The following ENPEP variants were observed in gnomAD, a reference collection of about 807,000 sequenced individuals.
ENPEP encodes glutamyl aminopeptidase.
A neutral mutation model predicts 114.5 loss-of-function variants in ENPEP; 103 were observed. That is an observed-to-expected ratio of 0.90 (90% CI 0.77 to 1.06). The LOEUF (loss-of-function observed/expected upper bound fraction) is 1.06, where lower values mean the gene tolerates loss of function less well. ENPEP is among the 50% of genes least tolerant of loss of function. The pLI, the probability that ENPEP is intolerant of heterozygous loss-of-function variation, is 0.00. For synonymous variants in ENPEP, 420 were observed against 422.0 expected, an observed-to-expected ratio of 1.00 and a Z score of 0.06; for missense variants, 1,196 against 1,161.3, an observed-to-expected ratio of 1.03 and a Z score of -0.43.
chr4:110,506,940 C>T (rs1725395311), intron 4 of ENPEP, among the ~76,000 whole-genome samples, 183 bp downstream of exon 4: 2 of 152,158 alleles, frequency 1.3e-5, no homozygotes, highest in Admixed American at 6.5e-5. Flanking sequence ...GCTAGGATTA[C>T]AGGCCTAATC....
chr4:110,541,052 C>T (rs779812843), intron 11 of ENPEP, among the ~76,000 whole-genome samples: 29 of 152,074 alleles, frequency 1.9e-4, no homozygotes, highest in Non-Finnish European at 3.4e-4. Flanking sequence ...GCAAGAAACT[C>T]TCCTTCTGAT....
chr4:110,559,360 G>A (rs1727602846), intron 18 of ENPEP, among the ~76,000 whole-genome samples: 1 of 151,706 alleles, frequency 6.6e-6, no homozygotes, highest in Non-Finnish European at 1.5e-5. Context: ...TCTCTAGCAG[G>A]GCGCTCATGT....
intron 10 of ENPEP, among the ~76,000 whole-genome samples, chr4:110,521,769 A>T (rs990907933): frequency 2.0e-5 from 3 of 152,190 alleles, no homozygotes; most frequent in Non-Finnish European, 4.4e-5. Flanking sequence ...CTAAAAATAA[A>T]TTTGGCAAAT....
intron 1 of ENPEP, among the ~76,000 whole-genome samples, chr4:110,483,768 A>G (rs917153956): frequency 7.2e-5 from 11 of 152,348 alleles, no homozygotes; most frequent in Admixed American, 2.6e-4. Context: ...ATATTGTGCT[A>G]TTAGTCAGCC....
intron 14 of ENPEP, among the ~76,000 whole-genome samples, 162 bp from the exon 15 acceptor site, chr4:110,549,184 C>T (rs1337199543): frequency 6.6e-6 from 1 of 151,878 alleles, no homozygotes; most frequent in Admixed American, 6.6e-5. Flanking sequence ...AAAAAAATTG[C>T]AATGTGATAA....
chr4:110,478,829 T>C (rs1166005506), intron 1 of ENPEP, among the ~76,000 whole-genome samples: 1 of 152,374 alleles, frequency 6.6e-6, no homozygotes, highest in East Asian at 1.9e-4. Flanking sequence ...ATTTGAGTTG[T>C]TTCTAGTATT....
Position 110,508,818 on chromosome 4 carries a change from A to G in ENPEP, c.1040-835A>G, listed in dbSNP as rs571630064. 5.3e-5 allele frequency among the ~76,000 whole-genome samples: 8 copies of G among 152,364 alleles called. No individual in the cohort carries two copies. The South Asian group carries it at 1.5e-3, about 28-fold the overall frequency. On this transcript the variant is annotated intron_variant, in intron 4 of 19. Transcript: ENST00000265162. ...AGAGCGAGACTCTGTCTCAAAAAAA[A>G]AGAAAGAATATTTATTTTAACCAGA...
chr4:110,509,942 A>T, intron 5 of ENPEP, 135 bp downstream of exon 5: 1 of 1,228,770 alleles, frequency 8.1e-7, no homozygotes, highest in Non-Finnish European at 1.1e-6. Context: ...CTTTCTTGGT[A>T]CTAATAAACA....
At chr4:110,540,292 G>A (rs922911708) in intron 11 of ENPEP, among the ~76,000 whole-genome samples, 1 of 151,932 alleles carries the variant, frequency 6.6e-6, no homozygotes, top group African/African-American at 2.4e-5. Context: ...GCATATAGAA[G>A]ATACACACAC....
intron 3 of ENPEP, among the ~76,000 whole-genome samples, chr4:110,500,903 G>A (rs1200134202): frequency 6.6e-6 from 1 of 152,156 alleles, no homozygotes; most frequent in Non-Finnish European, 1.5e-5. Flanking sequence ...AGAAGGAGAT[G>A]CAGATGGAGC....
In ENPEP at chr4:110,563,347, T is replaced by C. The variant is rs1313649566; in HGVS notation, c.*1789T>C. 1 of 152,180 alleles carries C rather than the reference T, an allele frequency of 6.6e-6. No homozygotes were observed. The highest frequency in any genetic ancestry group is 6.5e-5 in the Admixed American group (1 of 15,268). 9.4% of individuals were successfully genotyped at this position (152,180 alleles called of 1,614,324 possible). A position where few individuals can be genotyped will look rare whatever the true frequency, so the allele number is the denominator to read the frequency against. Reference sequence around the variant, plus strand: ...TTCAACTTGCCTACAAGACATTCTATTTCATGCCTTTTCCTTTTGTTGTTC... The same window carrying C: ...TTCAACTTGCCTACAAGACATTCTACTTCATGCCTTTTCCTTTTGTTGTTC... On this transcript the variant is annotated 3_prime_UTR_variant, in exon 20 of 20. Transcript: ENST00000265162.
intron 8 of ENPEP, chr4:110,515,844 C>G (rs187079928): frequency 1.1e-5 from 5 of 455,804 alleles, no homozygotes; most frequent in Non-Finnish European, 2.2e-5. Context: ...GCCTCTCTTC[C>G]GGGCTTGCAG....
intron 8 of ENPEP, among the ~76,000 whole-genome samples, chr4:110,518,818 A>C (rs1463887988): frequency 6.6e-6 from 1 of 152,184 alleles, no homozygotes; most frequent in Non-Finnish European, 1.5e-5. Flanking sequence ...CCACGATTGC[A>C]TGGTTCTAAG....
Position 110,542,828 on chromosome 4 carries a change from G to C in ENPEP, c.1885G>C (p.Val629Leu). 1 of 1,613,216 alleles carries C rather than the reference G, an allele frequency of 6.2e-7. No homozygotes were observed. The highest frequency in any genetic ancestry group is 8.5e-7 in the Non-Finnish European group (1 of 1,179,432). Residue 629 changes from valine (V) to leucine (L), a missense_variant, in exon 12 of 20, where the codon GTA (valine) becomes CTA (leucine). Val to Leu is a conservative substitution (Grantham distance 32). Coordinates refer to ENST00000265162, the MANE Select transcript of ENPEP (RefSeq NM_001977.4). ...CCCAGATCATATTGGGTTTTATCGT[G>C]TAAATTATGAAGTAGCAACTTGGGA... Reference protein sequence around the residue: ...INPDHIGFYRVNYEVATWDSI... With the variant: ...INPDHIGFYRLNYEVATWDSI...
chr4:110,558,223 C>A (rs907003837), intron 18 of ENPEP, among the ~76,000 whole-genome samples: 10 of 145,510 alleles, frequency 6.9e-5, no homozygotes, highest in Non-Finnish European at 1.3e-4. Flanking sequence ...ATGATTTCTG[C>A]TTTTGCATAT....
chr4:110,520,466 T>C (rs1474796290), intron 10 of ENPEP, 100 bp downstream of exon 10: 9 of 1,260,700 alleles, frequency 7.1e-6, no homozygotes, highest in Non-Finnish European at 7.9e-6. Context: ...ATGAGTGATA[T>C]ACAAGTATAA....
intron 1 of ENPEP, 29 bp from the exon 2 acceptor site, chr4:110,488,512 T>C: frequency 6.3e-7 from 1 of 1,579,262 alleles, no homozygotes; most frequent in Non-Finnish European, 8.6e-7. Context: ...GCAGCATGCA[T>C]TTCGTTTGTT....
chr4:110,532,628 A>AT (rs1450818856), intron 11 of ENPEP, among the ~76,000 whole-genome samples: 2 of 152,152 alleles, frequency 1.3e-5, no homozygotes, highest in Non-Finnish European at 2.9e-5. Flanking sequence ...TTTAAAAAAA[A>AT]ACGTTTATTG....
chr4:110,495,862 C>A (rs1299245763), intron 3 of ENPEP, among the ~76,000 whole-genome samples: 1 of 152,082 alleles, frequency 6.6e-6, no homozygotes, highest in East Asian at 1.9e-4. Flanking sequence ...TGTGCAAAAA[C>A]AAGAAATTAC....
Sources: gnomAD v4.1 joint callset for allele counts (sites outside exome capture counted in the v4.1 genomes callset) on GRCh38, gnomAD v4.1.1 for gene constraint, MANE v1.5 for transcripts, NCBI Gene and HGNC (gene_info 2026-07-23, HGNC 2026-07-21) for gene names.